TOX2: variants seen among roughly 807,000 people sequenced by gnomAD.
The protein encoded by TOX2 is TOX high mobility group box family member 2.
TOX2 carries 15 observed loss-of-function variants against 47.4 expected under a neutral mutation model. The observed-to-expected ratio is 0.32, with a 90% CI of 0.21 to 0.49. TOX2 has a LOEUF of 0.49. Ranked by LOEUF, TOX2 falls within the 20% of genes least tolerant of loss-of-function variation. TOX2 has a pLI of 0.99. For synonymous variants in TOX2, 290 were observed against 296.6 expected (o/e 0.98, Z 0.23); for missense variants, 622 against 673.1 (o/e 0.92, Z 0.84).
chr20:43,963,813 A>T (rs1401221095), intron 1 of TOX2, among the ~76,000 whole-genome samples: 1 of 152,144 alleles, frequency 6.6e-6, no homozygotes, highest in Admixed American at 6.6e-5. Context: ...TTTTATTTCA[A>T]ATTACATACA....
chr20:44,018,777 C>G (rs142845340), intron 3 of TOX2, among the ~76,000 whole-genome samples: 1 of 152,124 alleles, frequency 6.6e-6, no homozygotes, highest in Non-Finnish European at 1.5e-5. Flanking sequence ...AGGCTGGGAG[C>G]GTTTCCAGGA....
At chr20:43,955,093 C>T (rs11086915) in intron 1 of TOX2, 34,826 of 304,186 alleles carry the variant, frequency 0.11, 2,969 homozygotes, top group African/African-American at 0.29. Context: ...ACTCACCCCA[C>T]TTGTGTGAAT....
At chr20:44,041,601 G>GCTCTCATCCC (rs1161599576) in intron 3 of TOX2, among the ~76,000 whole-genome samples, 4 of 152,238 alleles carry the variant, frequency 2.6e-5, no homozygotes, top group African/African-American at 9.6e-5. Flanking sequence ...GGAAGTGGGC[G>GCTCTCATCCC]CTCTCATCCC....
At chr20:44,068,547 T>C (rs41283266) in intron 8 of TOX2, 103 bp from the exon 9 acceptor site, 162,347 of 1,301,282 alleles carry the variant, frequency 0.12, 11,713 homozygotes, top group African/African-American at 0.34. Flanking sequence ...GAGGGGCAGC[T>C]GAATCCAGGG....
intron 2 of TOX2, among the ~76,000 whole-genome samples, chr20:43,998,661 C>T (rs1252045148): frequency 6.6e-6 from 1 of 151,700 alleles, no homozygotes; most frequent in Non-Finnish European, 1.5e-5. Context: ...TGCTTTTTTG[C>T]CCTGATTTGT....
At chr20:43,941,688 T>C (rs928749112) in intron 1 of TOX2, among the ~76,000 whole-genome samples, 1 of 152,206 alleles carries the variant, frequency 6.6e-6, no homozygotes, top group Admixed American at 6.5e-5. Flanking sequence ...TTTGGTGTTT[T>C]CTATTGACTT....
rs1407995063 is a variant in TOX2 at position 44,056,636 on chromosome 20, ATATT to A, written c.879+2116_879+2119del. Among the ~76,000 whole-genome samples, 4 of 152,124 alleles carry A rather than the reference ATATT, an allele frequency of 2.6e-5. No individual in the cohort carries two copies. In the South Asian group the frequency reaches 8.3e-4, roughly 32 times the overall value. On this transcript the variant is annotated intron_variant, in intron 5 of 8. Transcript: ENST00000341197. ...TATTTCTAACCCAAGAACTTGGCAT[ATATT>A]TATTTCCATCCGATAATGGGCATTT... is the stretch of plus-strand genomic sequence containing the variant.
rs2071803612 is a variant in TOX2, at chr20:44,065,770, T to G, written c.1019T>G (p.Leu340Arg). 5.6e-6 allele frequency: 9 copies of G among 1,608,948 alleles called. No homozygotes were observed. Among genetic ancestry groups the G allele is most frequent in the Non-Finnish European group, 7.7e-6 (9 of 1,176,030 alleles). The change falls in exon 7 of 9, where the codon CTC becomes CGC. Residue 340 changes from leucine to arginine, a missense_variant. Transcript: ENST00000341197. The part of the protein sequence containing the change: ...STQANPPAKM[L>R]PPKQPMYAMP... Reference sequence around the variant, plus strand: ...CAGGCAAACCCACCAGCCAAAATGCTCCCACCCAAGCAGCCCATGTATGCC... The same window carrying G: ...CAGGCAAACCCACCAGCCAAAATGCGCCCACCCAAGCAGCCCATGTATGCC...
Position 44,032,949 on chromosome 20 carries a change from T to A in TOX2, c.412-18357T>A, listed in dbSNP as rs1003947799. ...TTAAAGGATAAATTAGTCTGACTCT[T>A]AACTCAATAATTAAAACTGTGATGG... On this transcript the variant is annotated intron_variant, in intron 3 of 8. Coordinates refer to ENST00000341197, the MANE Select transcript of TOX2 (RefSeq NM_001098797.2). 2.6e-5 allele frequency among the ~76,000 whole-genome samples: 4 copies of A among 152,336 alleles called. No individual in the cohort carries two copies. The East Asian group carries it at 7.7e-4, about 29-fold the overall frequency.
intron 1 of TOX2, among the ~76,000 whole-genome samples, chr20:43,955,985 CT>C (rs2069662941): frequency 6.6e-6 from 1 of 151,954 alleles, no homozygotes; most frequent in African/African-American, 2.4e-5. Flanking sequence ...CCCTGCTTGC[CT>C]TTCTGTCTTA....
At chr20:44,050,156 A>G (rs925239343) in intron 3 of TOX2, among the ~76,000 whole-genome samples, 1 of 152,210 alleles carries the variant, frequency 6.6e-6, no homozygotes, top group Non-Finnish European at 1.5e-5. Context: ...TACATGCATC[A>G]AAACATATCG....
At chr20:43,983,182 C>T (rs1031309675) in intron 2 of TOX2, among the ~76,000 whole-genome samples, 1 of 152,034 alleles carries the variant, frequency 6.6e-6, no homozygotes, top group Non-Finnish European at 1.5e-5. Context: ...AGAACGTGTG[C>T]TGGAGTACAG....
At chr20:43,980,269 C>T (rs1374311938) in intron 2 of TOX2, among the ~76,000 whole-genome samples, 1 of 152,106 alleles carries the variant, frequency 6.6e-6, no homozygotes. Context: ...ATAAGCCAGG[C>T]ACAGAAAGAT....
chr20:43,954,479 C>T (rs983533688), intron 1 of TOX2, among the ~76,000 whole-genome samples: 4 of 152,316 alleles, frequency 2.6e-5, no homozygotes, highest in Admixed American at 1.3e-4. Flanking sequence ...CCTTGCTTCT[C>T]GTTGTGTCCC....
At chr20:43,971,889 G>C (rs1361500527) in intron 1 of TOX2, among the ~76,000 whole-genome samples, 1 of 152,224 alleles carries the variant, frequency 6.6e-6, no homozygotes, top group Admixed American at 6.5e-5. Flanking sequence ...TATGTAGACA[G>C]TCTTTGAAAT....
At chr20:43,976,796 A>ACACACACACG (rs2070087449) in intron 2 of TOX2, among the ~76,000 whole-genome samples, 1 of 151,900 alleles carries the variant, frequency 6.6e-6, no homozygotes, top group Non-Finnish European at 1.5e-5. Flanking sequence ...ACACACACAC[A>ACACACACACG]CACACACATA....
intron 3 of TOX2, chr20:44,038,869 CT>C: frequency 9.8e-7 from 1 of 1,017,366 alleles, no homozygotes; most frequent in East Asian, 6.3e-5. Flanking sequence ...GAAAAACGCC[CT>C]TGTGTTCCTG....
chr20:43,981,928 G>A lies in TOX2; in HGVS notation c.165+8496G>A, dbSNP rs114914774. Among the ~76,000 whole-genome samples, 1,300 of 145,826 alleles carry A rather than the reference G, an allele frequency of 8.9e-3. 18 individuals carry two copies. Among genetic ancestry groups the A allele is most frequent in the African/African-American group, 0.032 (1,227 of 38,118 alleles). On this transcript the variant is annotated intron_variant, in intron 2 of 8. Transcript: ENST00000341197. ...CAATGAGATGAAGATTCCATAGAAG[G>A]GATTTTCTTTTTTTTTTTTTTTTAA... is the stretch of plus-strand genomic sequence containing the variant.
chr20:44,005,106 A>G (rs1185893561), intron 2 of TOX2, among the ~76,000 whole-genome samples: 1 of 152,248 alleles, frequency 6.6e-6, no homozygotes, highest in Non-Finnish European at 1.5e-5. Flanking sequence ...AAAATGAAAG[A>G]AAAAGTGTAG....
Sources: gnomAD v4.1 joint callset for allele counts (sites outside exome capture counted in the v4.1 genomes callset) on GRCh38, gnomAD v4.1.1 for gene constraint, MANE v1.5 for transcripts, NCBI Gene and HGNC (gene_info 2026-07-23, HGNC 2026-07-21) for gene names.